MDGA2: variants seen among roughly 807,000 people sequenced by gnomAD.
MDGA2 encodes the protein MAM domain-containing glycosylphosphatidylinositol anchor protein 2.
Under a neutral mutation model 117.8 loss-of-function variants are expected in MDGA2, and 40 were observed. That is an observed-to-expected ratio of 0.34 (90% confidence interval 0.26 to 0.44). The LOEUF (loss-of-function observed/expected upper bound fraction) is 0.44, where lower values mean the gene tolerates loss of function less well. MDGA2 is among the 20% of genes least tolerant of loss of function. The pLI is 1.00. For synonymous variants in MDGA2, 452 were observed against 439.0 expected, an observed-to-expected ratio of 1.03 and a Z score of -0.37; for missense variants, 1,123 against 1,250.6, an observed-to-expected ratio of 0.90 and a Z score of 1.54.
chr14:47,359,276 C>G lies in MDGA2; in HGVS notation c.281-57726G>C, dbSNP rs562574479. On this transcript the variant is annotated intron_variant, in intron 1 of 16. Coordinates refer to ENST00000399232, the MANE Select transcript of MDGA2 (RefSeq NM_001113498.3). ...GACTGAGGCAGGAGAATCGCTTGAACCCGGGAGGTGAAGGCTGCAGTGAAC... is the reference window on the plus strand; with the variant it reads ...GACTGAGGCAGGAGAATCGCTTGAAGCCGGGAGGTGAAGGCTGCAGTGAAC... Among the ~76,000 whole-genome samples, 3 of 152,212 alleles carry G rather than the reference C, an allele frequency of 2.0e-5. No homozygotes were observed. In the East Asian group the frequency reaches 5.8e-4, roughly 29 times the overall value.
At chr14:46,961,922 G>T (rs773747057) in intron 8 of MDGA2, among the ~76,000 whole-genome samples, 1 of 152,112 alleles carries the variant, frequency 6.6e-6, no homozygotes, top group Non-Finnish European at 1.5e-5. Context: ...GATTACAGGC[G>T]TGAGCCACCG....
chr14:47,077,554 G>A (rs1262652522), intron 6 of MDGA2, among the ~76,000 whole-genome samples: 1 of 151,870 alleles, frequency 6.6e-6, no homozygotes, highest in Non-Finnish European at 1.5e-5. Flanking sequence ...ACCCAAGTTA[G>A]AAGCTGAAAC....
chr14:46,928,049 C>T lies in MDGA2; in HGVS notation c.2090-7889G>A, dbSNP rs567707589. On this transcript the variant is annotated intron_variant, in intron 9 of 16. Coordinates refer to ENST00000399232, the MANE Select transcript of MDGA2 (RefSeq NM_001113498.3). ...TCTGCTTGGGCATAAGGTACAATTGCTTTGGTTACAATATTATGATTTCTC... is the reference window on the plus strand; with the variant it reads ...TCTGCTTGGGCATAAGGTACAATTGTTTTGGTTACAATATTATGATTTCTC... 1.3e-4 allele frequency among the ~76,000 whole-genome samples: 20 copies of T among 152,124 alleles called. 1 individual carries two copies. Among genetic ancestry groups the T allele is most frequent in the African/African-American group, 4.8e-4 (20 of 41,494 alleles).
chr14:47,050,686 C>T (rs1185128545), intron 7 of MDGA2, among the ~76,000 whole-genome samples: 1 of 151,960 alleles, frequency 6.6e-6, no homozygotes, highest in Non-Finnish European at 1.5e-5. Context: ...AACCATGGGT[C>T]CACTGTTTTC....
chr14:47,285,892 T>G (rs1200895258), intron 2 of MDGA2, among the ~76,000 whole-genome samples: 1 of 152,076 alleles, frequency 6.6e-6, no homozygotes, highest in Non-Finnish European at 1.5e-5. Context: ...TTCACAGGAC[T>G]AGAAAGTGGA....
chr14:46,969,973 T>TAC (rs1457001567), intron 8 of MDGA2, among the ~76,000 whole-genome samples: 20 of 112,466 alleles, frequency 1.8e-4, no homozygotes, highest in African/African-American at 6.6e-4. Flanking sequence ...TATATATATA[T>TAC]ATATGGAATA....
At chr14:47,084,034 C>A (rs1247055046) in intron 6 of MDGA2, among the ~76,000 whole-genome samples, 1 of 152,036 alleles carries the variant, frequency 6.6e-6, no homozygotes, top group East Asian at 1.9e-4. Flanking sequence ...CATAACCAAT[C>A]AACAAAGATA....
chr14:47,154,681 T>C (rs1026227758), intron 3 of MDGA2, among the ~76,000 whole-genome samples: 7 of 152,324 alleles, frequency 4.6e-5, no homozygotes, highest in Non-Finnish European at 8.8e-5. Context: ...AGCCTCTTAC[T>C]ACCTCACCCA....
intron 3 of MDGA2, among the ~76,000 whole-genome samples, chr14:47,199,320 C>A (rs1200483315): frequency 6.6e-6 from 1 of 152,112 alleles, no homozygotes; most frequent in East Asian, 1.9e-4. Context: ...TTCAACATTC[C>A]AACAATTTTG....
At chr14:46,999,399 T>A (rs913763694) in intron 8 of MDGA2, among the ~76,000 whole-genome samples, 1 of 152,070 alleles carries the variant, frequency 6.6e-6, no homozygotes, top group Non-Finnish European at 1.5e-5. Context: ...TGGAAAGGTA[T>A]TGCAAAACTA....
intron 1 of MDGA2, among the ~76,000 whole-genome samples, chr14:47,407,061 G>A (rs527782046): frequency 2.0e-4 from 31 of 151,962 alleles, no homozygotes; most frequent in Middle Eastern, 6.8e-3. Context: ...AAAACATTAT[G>A]TAGGTTGTTT....
At chr14:47,045,937 C>G (rs1018028497) in intron 7 of MDGA2, among the ~76,000 whole-genome samples, 29 of 150,896 alleles carry the variant, frequency 1.9e-4, no homozygotes, top group African/African-American at 6.1e-4. Flanking sequence ...TGCACTCCAG[C>G]CTGGGCAACA....
At chr14:47,036,402 T>G (rs1257820196) in intron 7 of MDGA2, among the ~76,000 whole-genome samples, 2 of 152,188 alleles carry the variant, frequency 1.3e-5, no homozygotes, top group African/African-American at 4.8e-5. Flanking sequence ...AATATATTTA[T>G]GTTAGAATTT....
chr14:47,670,423 G>A lies in MDGA2; in HGVS notation c.280+4094C>T, dbSNP rs556585045. On this transcript the variant is annotated intron_variant, in intron 1 of 16. Coordinates refer to ENST00000399232, the MANE Select transcript of MDGA2 (RefSeq NM_001113498.3). ...TAAAATTACAGAATATGTCAATAGA[G>A]TACTTCTTCTTTTTTTAGCAAGCCA... is the stretch of plus-strand genomic sequence containing the variant. Among the ~76,000 whole-genome samples the A allele has an allele frequency of 1.5e-4, 23 of 152,252 alleles. No homozygotes were observed. In the South Asian group the frequency reaches 4.2e-3, roughly 27 times the overall value.
At chr14:46,972,689 A>G (rs185977302) in intron 8 of MDGA2, among the ~76,000 whole-genome samples, 39 of 152,280 alleles carry the variant, frequency 2.6e-4, no homozygotes, top group Middle Eastern at 3.4e-3. Context: ...TAACATAGAA[A>G]AAAAGCTAGA....
At chr14:47,274,336 G>GT (rs1555368985) in intron 2 of MDGA2, among the ~76,000 whole-genome samples, 22 of 150,958 alleles carry the variant, frequency 1.5e-4, no homozygotes, top group African/African-American at 2.4e-4. Context: ...TATGCACGAT[G>GT]TTTTTTTTTA....
chr14:47,416,910 C>T (rs1289718589), intron 1 of MDGA2, among the ~76,000 whole-genome samples: 2 of 152,148 alleles, frequency 1.3e-5, no homozygotes. Flanking sequence ...ATGGAAAGGG[C>T]ATAATCTCTG....
At chr14:46,995,452 T>C (rs1887253016) in intron 8 of MDGA2, among the ~76,000 whole-genome samples, 1 of 152,202 alleles carries the variant, frequency 6.6e-6, no homozygotes, top group Non-Finnish European at 1.5e-5. Flanking sequence ...TATGGCAGAA[T>C]TTAAATTAAT....
chr14:47,217,033 T>C (rs1329627013), intron 3 of MDGA2, among the ~76,000 whole-genome samples: 2 of 152,142 alleles, frequency 1.3e-5, no homozygotes, highest in African/African-American at 4.8e-5. Context: ...TTACAAGTGC[T>C]GCTTTATCAC....
Sources: allele counts gnomAD v4.1 joint callset (sites outside exome capture counted in the v4.1 genomes callset), GRCh38; gene constraint gnomAD v4.1.1; transcripts MANE v1.5; gene names NCBI Gene and HGNC (gene_info 2026-07-23, HGNC 2026-07-21).